Variants in SERPINB12 observed in about 807,000 individuals in gnomAD.
SERPINB12 encodes serpin family B member 12, also known as serpin B12.
In SERPINB12, 57 loss-of-function variants were observed where a neutral mutation model predicts 41.1. The observed-to-expected ratio is 1.39, with a 90% CI of 1.12 to 1.73. The LOEUF (loss-of-function observed/expected upper bound fraction) is 1.73, where lower values mean the gene tolerates loss of function less well. Ranked by LOEUF, SERPINB12 falls within the 40% of genes most tolerant of loss-of-function variation. The probability of loss-of-function intolerance (pLI) is 0.00; values close to 1 mark genes in which losing one functional copy is unlikely to be tolerated. For missense variants in SERPINB12, 536 were observed against 501.9 expected, an observed-to-expected ratio of 1.07 and a Z score of -0.65; for synonymous variants, 180 against 181.3, an observed-to-expected ratio of 0.99 and a Z score of 0.06.
Position 63,561,200 on chromosome 18 carries a change from A to G in SERPINB12, c.560A>G (p.Gln187Arg), listed in dbSNP as rs1466372216. 1 of 1,586,576 alleles carries G rather than the reference A, an allele frequency of 6.3e-7. No individual in the cohort carries two copies. Among genetic ancestry groups the G allele is most frequent in the South Asian group, 1.1e-5 (1 of 90,024 alleles). The change falls in exon 5 of 8, where the codon CAA becomes CGA. Residue 187 changes from glutamine (Q) to arginine (R), a missense_variant and splice_region_variant. By Grantham distance (43) the Gln-to-Arg change is conservative. Transcript: ENST00000382768. Reference protein sequence around the residue: ...EINFWVECQSQGKIKELFSKD... With the variant: ...EINFWVECQSRGKIKELFSKD... ...AACTTCTGGGTTGAATGTCAATCCC[A>G]AGGTAAGAAAGCCCAAAAGCACGGG...
At chr18:63,562,291 A>G (rs1026166695) in intron 5 of SERPINB12, among the ~76,000 whole-genome samples, 16 of 152,224 alleles carry the variant, frequency 1.1e-4, no homozygotes, top group African/African-American at 3.9e-4. Flanking sequence ...GCTGCTGGAC[A>G]TAGACTAGGC....
the SERPINB12 span, among the ~76,000 whole-genome samples, chr18:63,525,573 G>A: frequency 6.6e-6 from 1 of 151,926 alleles, no homozygotes; most frequent in Admixed American, 6.6e-5. Flanking sequence ...TTTTCATATT[G>A]GAAATGACCC....
chr18:63,554,302 A>T (rs539662101), intron 1 of SERPINB12, among the ~76,000 whole-genome samples: 1 of 152,358 alleles, frequency 6.6e-6, no homozygotes, highest in South Asian at 2.1e-4. Context: ...AGGAATGATC[A>T]TATCTACCTT....
chr18:63,564,673 G>T (rs1167423525), intron 6 of SERPINB12, among the ~76,000 whole-genome samples: 1 of 152,174 alleles, frequency 6.6e-6, no homozygotes, highest in Non-Finnish European at 1.5e-5. Flanking sequence ...GAAGGAGCAG[G>T]TGTTGTTATT....
chr18:63,554,848 C>A (rs1006555201), intron 1 of SERPINB12, among the ~76,000 whole-genome samples: 7 of 152,136 alleles, frequency 4.6e-5, no homozygotes, highest in Non-Finnish European at 8.8e-5. Context: ...AGGGAGAGAC[C>A]TGGTGGGAGG....
chr18:63,540,341 A>T (rs910612716), upstream of SERPINB12, among the ~76,000 whole-genome samples: 1 of 152,192 alleles, frequency 6.6e-6, no homozygotes, highest in African/African-American at 2.4e-5. Context: ...ATTCAACACG[A>T]TGCATTCCAG....
Position 63,566,762 on chromosome 18 carries a change from T to C in SERPINB12, c.1029T>C (p.Phe343=), listed in dbSNP as rs377750620. ...ILQDMGITDI[F]DETRADLTGI... is the part of the protein sequence containing the mutation. ...AAGACATGGGCATTACGGATATCTTTGATGAAACGAGGGCTGATCTTACTG... is the reference window on the plus strand; with the variant it reads ...AAGACATGGGCATTACGGATATCTTCGATGAAACGAGGGCTGATCTTACTG... The change falls in exon 8 of 8, where the codon TTT becomes TTC. Residue 343 remains phenylalanine (F), a synonymous_variant. Transcript: ENST00000382768. 2 of 1,614,184 alleles carry C rather than the reference T, an allele frequency of 1.2e-6. No individual in the cohort carries two copies. The highest frequency in any genetic ancestry group is 2.2e-5 in the East Asian group (1 of 44,890).
chr18:63,552,418 T>C (rs933510791), intron 1 of SERPINB12, among the ~76,000 whole-genome samples: 1 of 152,220 alleles, frequency 6.6e-6, no homozygotes, highest in Non-Finnish European at 1.5e-5. Flanking sequence ...TGATTTTTAC[T>C]AACAGTCTAA....
At chr18:63,519,978 T>G in the SERPINB12 span, among the ~76,000 whole-genome samples, 1 of 152,164 alleles carries the variant, frequency 6.6e-6, no homozygotes, top group African/African-American at 2.4e-5. Flanking sequence ...TCTTGGTGCC[T>G]GCTTCTTAGC....
At chr18:63,563,285 G>A (rs1910973945) in intron 5 of SERPINB12, among the ~76,000 whole-genome samples, 1 of 152,206 alleles carries the variant, frequency 6.6e-6, no homozygotes, top group Non-Finnish European at 1.5e-5. Flanking sequence ...TTGAGTGCTT[G>A]AGACAGGAAG....
At chr18:63,529,187 G>T in the SERPINB12 span, among the ~76,000 whole-genome samples, 1 of 152,204 alleles carries the variant, frequency 6.6e-6, no homozygotes, top group Non-Finnish European at 1.5e-5. Context: ...AATTACATGT[G>T]TATTCAAAGA....
In SERPINB12 at chr18:63,544,052, A is replaced by G. The variant is rs116343160; in HGVS notation, c.-19+1560A>G. ...AAAAACCATGGTATTTCATCATTTA[A>G]AGCAGGGATCAGCAAACTTTTCAGT... On this transcript the variant is annotated intron_variant, in intron 1 of 7. Transcript: ENST00000382768. Among the ~76,000 whole-genome samples, 588 of 152,342 alleles carry G rather than the reference A, an allele frequency of 3.9e-3. 2 individuals are homozygous for G. Among genetic ancestry groups the G allele is most frequent in the African/African-American group, 0.013 (559 of 41,580 alleles).
intron 1 of SERPINB12, among the ~76,000 whole-genome samples, chr18:63,554,386 A>G (rs1187724088): frequency 6.6e-6 from 1 of 152,256 alleles, no homozygotes; most frequent in Non-Finnish European, 1.5e-5. Flanking sequence ...AAAAAGTTAC[A>G]TAATGTTATC....
At chr18:63,559,018 C>CTTTT (rs1555675599) in intron 3 of SERPINB12, among the ~76,000 whole-genome samples, 1 of 62,502 alleles carries the variant, frequency 1.6e-5, no homozygotes, top group Non-Finnish European at 4.1e-5. Flanking sequence ...TTCTTTCTTT[C>CTTTT]TTTCTTTCTT....
chr18:63,557,877 G>A (rs1910730161), intron 2 of SERPINB12, among the ~76,000 whole-genome samples: 2 of 152,164 alleles, frequency 1.3e-5, no homozygotes, highest in South Asian at 2.1e-4. Flanking sequence ...TTTAGTAACT[G>A]TATTGCAAAA....
chr18:63,522,449 A>C, the SERPINB12 span, among the ~76,000 whole-genome samples: 1 of 152,226 alleles, frequency 6.6e-6, no homozygotes, highest in Non-Finnish European at 1.5e-5. Context: ...CCAAATTGCA[A>C]GCTGTAGATA....
At chr18:63,534,718 G>A in the SERPINB12 span, among the ~76,000 whole-genome samples, 20 of 152,238 alleles carry the variant, frequency 1.3e-4, no homozygotes, top group East Asian at 3.9e-4. Context: ...CTCTGTAGCC[G>A]TCAGTACTTG....
rs750513496 is a variant in SERPINB12, at chr18:63,561,161, C to G, written c.521C>G (p.Ser174Cys). The G allele has an allele frequency of 6.2e-7, 1 of 1,612,810 alleles. No homozygotes were observed. The highest frequency in any genetic ancestry group is 1.7e-5 in the Admixed American group (1 of 59,966). ...GATTTCCAAAAAAACCCTGAAAAAT[C>G]CAGACAAGAGATTAACTTCTGGGTT... Reference protein sequence around the residue: ...SVDFQKNPEKSRQEINFWVEC... With the variant: ...SVDFQKNPEKCRQEINFWVEC... Residue 174 changes from serine (S) to cysteine (C), a missense_variant, in exon 5 of 8, where the codon TCC becomes TGC. By Grantham distance (112) the Ser-to-Cys change is moderately radical. Coordinates refer to ENST00000382768, the MANE Select transcript of SERPINB12 (RefSeq NM_001307928.2).
At chr18:63,565,255 A>G (rs530352506) in intron 6 of SERPINB12, among the ~76,000 whole-genome samples, 190 bp from the exon 7 acceptor site, 31 of 152,294 alleles carry the variant, frequency 2.0e-4, no homozygotes, top group Non-Finnish European at 4.3e-4. Flanking sequence ...ACGGAAAGAT[A>G]AAGTGTTGGC....
Sources: gnomAD v4.1 joint callset for allele counts (sites outside exome capture counted in the v4.1 genomes callset) on GRCh38, gnomAD v4.1.1 for gene constraint, MANE v1.5 for transcripts, NCBI Gene and HGNC (gene_info 2026-07-23, HGNC 2026-07-21) for gene names.